The following THEMIS variants were observed in gnomAD, a reference collection of about 807,000 sequenced individuals.
The protein encoded by THEMIS is protein THEMIS.
A neutral mutation model predicts 52.6 loss-of-function variants in THEMIS; 37 were observed. That is an observed-to-expected ratio of 0.70 (90% confidence interval 0.54 to 0.93). The LOEUF is 0.93. Ranked by LOEUF, THEMIS falls within the 40% of genes least tolerant of loss-of-function variation. THEMIS has a pLI of 0.00. For synonymous variants in THEMIS, 292 were observed against 272.7 expected, an observed-to-expected ratio of 1.07 and a Z score of -0.70; for missense variants, 808 against 763.1, an observed-to-expected ratio of 1.06 and a Z score of -0.69.
chr6:127,885,070 T>C (rs971417867), intron 1 of THEMIS, among the ~76,000 whole-genome samples: 5 of 152,148 alleles, frequency 3.3e-5, no homozygotes, highest in Admixed American at 3.3e-4. Context: ...TTTCAACATA[T>C]AAATTGGAGT....
intron 3 of THEMIS, among the ~76,000 whole-genome samples, chr6:127,817,352 A>G (rs1562277649): frequency 6.6e-6 from 1 of 152,218 alleles, no homozygotes; most frequent in African/African-American, 2.4e-5. Context: ...AAAGTTTTCT[A>G]TGTTAAAACT....
chr6:127,731,275 A>AAAGAAGTC (rs1436927421), intron 4 of THEMIS, among the ~76,000 whole-genome samples: 2 of 152,348 alleles, frequency 1.3e-5, no homozygotes, highest in Admixed American at 6.5e-5. Context: ...TGCTTTCACT[A>AAAGAAGTC]AAGAAGTCAT....
intron 5 of THEMIS, 52 bp downstream of exon 5, chr6:127,719,636 A>G: frequency 6.7e-7 from 1 of 1,492,416 alleles, no homozygotes; most frequent in South Asian, 1.4e-5. Context: ...CACCTTTGTC[A>G]TGTGGACAGT....
intron 2 of THEMIS, among the ~76,000 whole-genome samples, chr6:127,853,306 T>G (rs1170762979): frequency 1.3e-5 from 2 of 151,684 alleles, no homozygotes; most frequent in Non-Finnish European, 3.0e-5. Context: ...GAGAGGCATC[T>G]TATAAAGTAA....
At chr6:127,915,832 C>T (rs1008381157) in intron 1 of THEMIS, among the ~76,000 whole-genome samples, 3 of 151,672 alleles carry the variant, frequency 2.0e-5, no homozygotes, top group African/African-American at 7.3e-5. Flanking sequence ...ACTAAAAATA[C>T]AAAAATTAGT....
chr6:127,737,921 C>T (rs754324753), intron 4 of THEMIS, among the ~76,000 whole-genome samples: 1 of 152,110 alleles, frequency 6.6e-6, no homozygotes, highest in Non-Finnish European at 1.5e-5. Context: ...CTTTATACAA[C>T]GTGCTTGTGC....
At position 127,741,129 on chromosome 6, in the gene THEMIS, G is replaced by A. The variant is rs989543478; in HGVS notation, c.1759-21306C>T. Among the ~76,000 whole-genome samples, 10 of 152,062 alleles carry A rather than the reference G, an allele frequency of 6.6e-5. 1 individual carries two copies. Among genetic ancestry groups the A allele is most frequent in the African/African-American group, 2.2e-4 (9 of 41,396 alleles). ...TAGTATCCAACTTTACTATTTCTCA[G>A]CAAATATGTGGTTTATAGGCACAGA... On this transcript the variant is annotated intron_variant, in intron 4 of 5. Coordinates refer to ENST00000368248, the MANE Select transcript of THEMIS (RefSeq NM_001010923.3).
At chr6:127,730,126 G>T (rs1774713531) in intron 4 of THEMIS, among the ~76,000 whole-genome samples, 1 of 151,808 alleles carries the variant, frequency 6.6e-6, no homozygotes. Context: ...AAAAAGCCAG[G>T]AGTGGTGGTG....
At chr6:127,852,692 T>C (rs1182303840) in intron 2 of THEMIS, among the ~76,000 whole-genome samples, 4 of 151,706 alleles carry the variant, frequency 2.6e-5, no homozygotes, top group African/African-American at 9.6e-5. Context: ...GATGCTGCTA[T>C]TAAAATTTTT....
At chr6:127,707,246 G>A (rs1454141548), downstream of THEMIS, among the ~76,000 whole-genome samples, 1 of 152,088 alleles carries the variant, frequency 6.6e-6, no homozygotes, top group Non-Finnish European at 1.5e-5. Flanking sequence ...AGATTTAGAT[G>A]GGGACACATC....
intron 1 of THEMIS, among the ~76,000 whole-genome samples, chr6:127,893,038 T>C (rs1780858853): frequency 6.6e-6 from 1 of 152,142 alleles, no homozygotes; most frequent in Non-Finnish European, 1.5e-5. Context: ...AATATTCCCC[T>C]TGTGTAGAGT....
At chr6:127,783,053 G>A (rs1040261546) in intron 4 of THEMIS, among the ~76,000 whole-genome samples, 1 of 152,040 alleles carries the variant, frequency 6.6e-6, no homozygotes, top group Non-Finnish European at 1.5e-5. Context: ...ATAGACCAAT[G>A]GAACAGAACA....
At chr6:127,895,630 A>G (rs1294110389) in intron 1 of THEMIS, among the ~76,000 whole-genome samples, 5 of 151,492 alleles carry the variant, frequency 3.3e-5, no homozygotes, top group African/African-American at 9.7e-5. Flanking sequence ...ACTGTGATAA[A>G]TTATGTAGAA....
At chr6:127,847,846 A>C (rs1291417152) in intron 2 of THEMIS, among the ~76,000 whole-genome samples, 1 of 151,202 alleles carries the variant, frequency 6.6e-6, no homozygotes, top group Non-Finnish European at 1.5e-5. Context: ...AGCAATACTA[A>C]CCAAAAAGAA....
chr6:127,774,266 C>T (rs1290491772), intron 4 of THEMIS, among the ~76,000 whole-genome samples: 1 of 152,210 alleles, frequency 6.6e-6, no homozygotes, highest in South Asian at 2.1e-4. Flanking sequence ...AGTGCAGTGG[C>T]GCCATCTCCG....
At position 127,829,562 on chromosome 6, in the gene THEMIS, T is replaced by C; in HGVS notation, c.623A>G (p.Lys208Arg). 1.2e-6 allele frequency: 2 copies of C among 1,614,098 alleles called. No homozygotes were observed. The highest frequency in any genetic ancestry group is 2.2e-5 in the East Asian group (1 of 44,862). ...RTVNLTDFSN[K>R]WDSTNPFPKD... ...AGGAAATGGATTCGTTGAGTCCCACTTATTTGAAAAATCTGTAAGGTTTAC... is the reference window on the plus strand; with the variant it reads ...AGGAAATGGATTCGTTGAGTCCCACCTATTTGAAAAATCTGTAAGGTTTAC... The change falls in exon 3 of 6, where the codon AAG becomes AGG. Residue 208 changes from lysine to arginine, a missense_variant. By Grantham distance (26) the Lys-to-Arg change is conservative. Transcript: ENST00000368248.
intron 1 of THEMIS, among the ~76,000 whole-genome samples, chr6:127,879,698 C>A (rs1780418831): frequency 6.7e-6 from 1 of 150,312 alleles, no homozygotes; most frequent in Non-Finnish European, 1.5e-5. Flanking sequence ...TATTTGCGGG[C>A]AGGGTGTAGA....
chr6:127,894,063 G>A (rs1293664481), intron 1 of THEMIS, among the ~76,000 whole-genome samples: 1 of 151,916 alleles, frequency 6.6e-6, no homozygotes, highest in Non-Finnish European at 1.5e-5. Context: ...AAATTTTGAT[G>A]AAATAAAAGA....
At position 127,862,428 on chromosome 6, in the gene THEMIS, A is replaced by ATTTTTTTTTTTTTTTTTTTTTTTTTTTTT. The variant is rs71028110; in HGVS notation, c.92-7241_92-7240insAAAAAAAAAAAAAAAAAAAAAAAAAAAAA. Among the ~76,000 whole-genome samples the ATTTTTTTTTTTTTTTTTTTTTTTTTTTTT allele has an allele frequency of 3.0e-4, 22 of 72,790 alleles. 2 individuals are homozygous for ATTTTTTTTTTTTTTTTTTTTTTTTTTTTT. The highest frequency in any genetic ancestry group is 5.2e-4 in the Admixed American group (3 of 5,772). The allele number at this position is 72,790 out of a possible 152,430, so 47.8% of individuals were successfully genotyped here. A position where few individuals can be genotyped will look rare whatever the true frequency, so the allele number is the denominator to read the frequency against. On this transcript the variant is annotated intron_variant, in intron 1 of 5. Coordinates refer to ENST00000368248, the MANE Select transcript of THEMIS (RefSeq NM_001010923.3). Reference sequence around the variant, plus strand: ...GCAGGTGAAATCTCCTAGGGAGTAAATTTTTTTTTTTTTTTTTTTTTTGCT... The same window carrying ATTTTTTTTTTTTTTTTTTTTTTTTTTTTT: ...GCAGGTGAAATCTCCTAGGGAGTAAATTTTTTTTTTTTTTTTTTTTTTTTTTTTTTTTTTTTTTTTTTTTTTTTTTTGCT...
Sources: gnomAD v4.1 joint callset for allele counts (sites outside exome capture counted in the v4.1 genomes callset) on GRCh38, gnomAD v4.1.1 for gene constraint, MANE v1.5 for transcripts, NCBI Gene and HGNC (gene_info 2026-07-23, HGNC 2026-07-21) for gene names.